Variants in PIGQ observed in about 807,000 individuals in gnomAD.
The protein encoded by PIGQ is phosphatidylinositol N-acetylglucosaminyltransferase subunit Q.
A neutral mutation model predicts 60.3 loss-of-function variants in PIGQ; 54 were observed. The ratio of observed to expected loss-of-function variants is 0.90; its 90% confidence interval spans 0.72 to 1.12. The LOEUF is 1.12. Ranked by LOEUF, PIGQ falls within the 50% of genes most tolerant of loss-of-function variation. The probability of loss-of-function intolerance (pLI) is 0.00; values close to 1 mark genes in which losing one functional copy is unlikely to be tolerated. For missense variants in PIGQ, 799 were observed against 793.5 expected (o/e 1.01, Z -0.08); for synonymous variants, 416 against 363.7 (o/e 1.14, Z -1.64).
At position 583,305 on chromosome 16, in the gene PIGQ, G is replaced by A. The variant is rs140189093; in HGVS notation, c.*270G>A. On this transcript the variant is annotated 3_prime_UTR_variant, in exon 11 of 11. Coordinates refer to ENST00000321878, the MANE Select transcript of PIGQ (RefSeq NM_004204.5). ...CACCTGCTGCGGTCACCATGGTGGC[G>A]AGCACAGCAACCCCAGGTGTCCAGA... The A allele has an allele frequency of 5.5e-5, 88 of 1,612,696 alleles. 1 individual carries two copies. In the South Asian group the frequency reaches 5.7e-4, roughly 10 times the overall value.
Position 581,448 on chromosome 16 carries a change from T to G in PIGQ, c.1531+476T>G, listed in dbSNP as rs1052698836. Reference sequence around the variant, plus strand: ...CTGCTTGCCGGACACCTGGCTTCTTTCAGTGGAGTCTGCAGGAGGCTTTTT... The same window carrying G: ...CTGCTTGCCGGACACCTGGCTTCTTGCAGTGGAGTCTGCAGGAGGCTTTTT... On this transcript the variant is annotated intron_variant, in intron 9 of 10. Transcript: ENST00000321878. The G allele has an allele frequency of 2.5e-5, 20 of 803,542 alleles. No individual in the cohort carries two copies. In the East Asian group the frequency reaches 2.2e-3, roughly 89 times the overall value. 49.8% of individuals were successfully genotyped at this position (803,542 alleles called of 1,614,324 possible).
chr16:583,703 GC>G lies in PIGQ; in HGVS notation c.*671del. ...GGCGGGAGCAGCCTCAGTGTCAAGG[GC>G]CCGCCCACTGACCCAGCCGTACCTA... On this transcript the variant is annotated 3_prime_UTR_variant, in exon 11 of 11. Coordinates refer to ENST00000321878, the MANE Select transcript of PIGQ (RefSeq NM_004204.5). The G allele has an allele frequency of 1.3e-6, 2 of 1,550,132 alleles. No homozygotes were observed. The highest frequency in any genetic ancestry group is 1.8e-6 in the Non-Finnish European group (2 of 1,130,300).
intron 9 of PIGQ, chr16:582,005 G>A (rs962369545): frequency 4.5e-5 from 26 of 575,504 alleles, no homozygotes; most frequent in East Asian, 6.7e-5. Context: ...CTCATGATCC[G>A]CCCACCTCCC....
intron 5 of PIGQ, 87 bp from the exon 6 acceptor site, chr16:578,698 G>T (rs1486062993): frequency 6.7e-7 from 1 of 1,482,386 alleles, no homozygotes; most frequent in South Asian, 1.2e-5. Flanking sequence ...CAGGCTACAC[G>T]CACCTCATGT....
chr16:570,358 C>G (rs1438217225), intron 1 of PIGQ: 1 of 152,300 alleles, frequency 6.6e-6, no homozygotes, highest in African/African-American at 2.4e-5. Context: ...AGGCTCTTCC[C>G]AAATGAGAGG....
intron 9 of PIGQ, 75 bp downstream of exon 9, chr16:581,047 G>A (rs2035802206): frequency 7.5e-7 from 1 of 1,330,334 alleles, no homozygotes; most frequent in Non-Finnish European, 1.1e-6. Context: ...GCAGAAGCAA[G>A]GACAGCATGG....
At chr16:582,486 C>T in intron 10 of PIGQ, 177 bp downstream of exon 10, 1 of 594,614 alleles carries the variant, frequency 1.7e-6, no homozygotes. Context: ...ACCCCCAGGG[C>T]CTGAGGACAC....
At position 580,913 on chromosome 16, in the gene PIGQ, T is replaced by C; in HGVS notation, c.1472T>C (p.Ile491Thr). 1 of 1,609,730 alleles carries C rather than the reference T, an allele frequency of 6.2e-7. No homozygotes were observed. Among genetic ancestry groups the C allele is most frequent in the Non-Finnish European group, 8.5e-7 (1 of 1,178,642 alleles). Residue 491 changes from isoleucine (I) to threonine (T), a missense_variant, in exon 9 of 11, where the codon ATC (isoleucine) becomes ACC (threonine). By Grantham distance (89) the Ile-to-Thr change is moderately conservative. Coordinates refer to ENST00000321878, the MANE Select transcript of PIGQ (RefSeq NM_004204.5). Reference protein sequence around the residue: ...QGLIHLLVDLINSLPLYSLGL... With the variant: ...QGLIHLLVDLTNSLPLYSLGL... The stretch of plus-strand genomic sequence containing the variant: ...CTGATCCATCTGCTCGTGGACCTCA[T>C]CAACTCCCTGCCGCTGTACTCACTG...
Position 580,281 on chromosome 16 carries a change from AGGCT to A in PIGQ, c.1416+21_1416+24del, listed in dbSNP as rs1455161891. ...TCACCCTGGTGAGCTGAGCACCCAC[AGGCT>A]GGGCCTGGCTGCAGTGCTCTGTGTG... On this transcript the variant is annotated intron_variant, in intron 8 of 10. Coordinates refer to ENST00000321878, the MANE Select transcript of PIGQ (RefSeq NM_004204.5). The A allele has an allele frequency of 3.8e-6, 6 of 1,583,942 alleles. No individual in the cohort carries two copies. The highest frequency in any genetic ancestry group is 1.7e-5 in the Admixed American group (1 of 59,026).
At chr16:579,327 G>GC in intron 7 of PIGQ, 147 bp downstream of exon 7, 1 of 642,986 alleles carries the variant, frequency 1.6e-6, no homozygotes, top group Non-Finnish European at 2.8e-6. Flanking sequence ...AGATAAGTCT[G>GC]CGGTGTGGGC....
chr16:583,001 A>G lies in PIGQ; in HGVS notation c.1712A>G (p.Tyr571Cys). The change falls in exon 11 of 11, where the codon TAC (tyrosine) becomes TGC (cysteine). Residue 571 changes from tyrosine to cysteine, a missense_variant. Physicochemically the swap from Tyr to Cys is radical, Grantham distance 194 (BLOSUM62 -2). Transcript: ENST00000321878. ...AAGCTGTTCCTTGGGGAGCTCATCTACCCCTGGAGGCAGAGAGGGGACAAG... is the reference window on the plus strand; with the variant it reads ...AAGCTGTTCCTTGGGGAGCTCATCTGCCCCTGGAGGCAGAGAGGGGACAAG... ...CRKLFLGELI[Y>C]PWRQRGDKQD 6.2e-7 allele frequency: 1 copy of G among 1,612,904 alleles called. No individual in the cohort carries two copies. Among genetic ancestry groups the G allele is most frequent in the South Asian group, 1.1e-5 (1 of 91,074 alleles).
chr16:582,456 C>T (rs1208382818), intron 10 of PIGQ, 147 bp downstream of exon 10: 27 of 621,508 alleles, frequency 4.3e-5, no homozygotes, highest in African/African-American at 1.3e-4. Context: ...GGAAGGCCCA[C>T]GCGGGACCCC....
intron 1 of PIGQ, among the ~76,000 whole-genome samples, chr16:572,789 A>G (rs1202813660): frequency 7.2e-6 from 1 of 138,212 alleles, no homozygotes; most frequent in Non-Finnish European, 1.6e-5. Context: ...GTCCCTAAGG[A>G]TGTGGTGGGC....
intron 10 of PIGQ, chr16:582,622 G>C: frequency 5.1e-6 from 3 of 585,408 alleles, no homozygotes; most frequent in Non-Finnish European, 9.1e-6. Flanking sequence ...GTGAGTCCTG[G>C]GGTGGGGTGT....
intron 7 of PIGQ, chr16:579,507 T>C (rs1596386210): frequency 2.9e-5 from 2 of 68,426 alleles, no homozygotes; most frequent in Non-Finnish European, 5.3e-5. Flanking sequence ...AGACTAGAGG[T>C]GCCCCGGGCC....
In PIGQ at chr16:575,836, C is replaced by A. The variant is rs370348620; in HGVS notation, c.690-3C>A. ...CACATCACTCCTCTCCACTCCCACG[C>A]AGAGTGTTCAAGCTCTGGCCCCTGT... On this transcript the variant is annotated splice_polypyrimidine_tract_variant and splice_region_variant and intron_variant, in intron 2 of 10. Coordinates refer to ENST00000321878, the MANE Select transcript of PIGQ (RefSeq NM_004204.5). 1.9e-5 allele frequency: 29 copies of A among 1,561,146 alleles called. No homozygotes were observed. The highest frequency in any genetic ancestry group is 2.3e-5 in the Non-Finnish European group (27 of 1,152,586).
At position 580,946 on chromosome 16, in the gene PIGQ, G is replaced by T. The variant is rs145602990; in HGVS notation, c.1505G>T (p.Arg502Leu). 1.4e-5 allele frequency: 23 copies of T among 1,610,436 alleles called. No individual in the cohort carries two copies. Among genetic ancestry groups the T allele is most frequent in the Non-Finnish European group, 1.9e-5 (22 of 1,178,262 alleles). ...NSLPLYSLGL[R>L]LCRPYRLAAG... ...CTGCCGCTGTACTCACTGGGTCTTC[G>T]GCTCTGCCGGCCCTACAGGCTGGCG... is the stretch of plus-strand genomic sequence containing the variant. Residue 502 changes from arginine (R) to leucine (L), a missense_variant, in exon 9 of 11, where the codon CGG (arginine) becomes CTG (leucine). Coordinates refer to ENST00000321878, the MANE Select transcript of PIGQ (RefSeq NM_004204.5).
intron 1 of PIGQ, among the ~76,000 whole-genome samples, chr16:573,512 G>T (rs1014277562): frequency 1.3e-5 from 2 of 152,194 alleles, no homozygotes; most frequent in African/African-American, 4.8e-5. Context: ...GGGGCTGCCC[G>T]CCGTGCGCAC....
At chr16:579,369 TC>T (rs2035776295) in intron 7 of PIGQ, 189 bp downstream of exon 7, 1 of 602,510 alleles carries the variant, frequency 1.7e-6, no homozygotes. Flanking sequence ...GCGCAGAGCT[TC>T]CCTGGGCCAC....
Sources: allele counts gnomAD v4.1 joint callset (sites outside exome capture counted in the v4.1 genomes callset), GRCh38; gene constraint gnomAD v4.1.1; transcripts MANE v1.5; gene names NCBI Gene and HGNC (gene_info 2026-07-23, HGNC 2026-07-21).